Variants in IFT88 observed in about 807,000 individuals in gnomAD.
IFT88 encodes intraflagellar transport protein 88 homolog.
A neutral mutation model predicts 119.5 loss-of-function variants in IFT88; 74 were observed. The ratio of observed to expected loss-of-function variants is 0.62; its 90% confidence interval spans 0.51 to 0.75. IFT88 has a LOEUF of 0.75. Ranked by LOEUF, IFT88 falls within the 30% of genes least tolerant of loss-of-function variation. IFT88 has a pLI of 0.00. For missense variants in IFT88, 961 were observed against 977.7 expected (o/e 0.98, Z 0.23); for synonymous variants, 279 against 316.7 (o/e 0.88, Z 1.26).
chr13:20,639,776 T>C (rs1157663243), intron 17 of IFT88, among the ~76,000 whole-genome samples: 1 of 149,824 alleles, frequency 6.7e-6, no homozygotes, highest in Non-Finnish European at 1.5e-5. Flanking sequence ...ATTGATATAG[T>C]AAAATTTGTC....
chr13:20,623,585 C>T (rs997709982), intron 14 of IFT88, among the ~76,000 whole-genome samples: 4 of 152,174 alleles, frequency 2.6e-5, no homozygotes, highest in African/African-American at 9.7e-5. Context: ...CGCCATTCTC[C>T]TGCCTCAGCC....
chr13:20,583,109 A>G (rs1168186498), intron 3 of IFT88, 90 bp downstream of exon 3: 8 of 681,726 alleles, frequency 1.2e-5, no homozygotes, highest in Middle Eastern at 2.5e-4. Flanking sequence ...ATATTCCTGT[A>G]GTGTTAAAGA....
In IFT88 at chr13:20,691,097, A is replaced by C. The variant is rs762244847; in HGVS notation, c.2397A>C (p.Pro799=). 41 of 1,613,774 alleles carry C rather than the reference A, an allele frequency of 2.5e-5. No individual in the cohort carries two copies. Among genetic ancestry groups the C allele is most frequent in the Non-Finnish European group, 3.4e-5 (40 of 1,179,838 alleles). ...VDPLGPQIER[P]KTAAKKRIDE... is the part of the protein sequence containing the mutation. ...CACTTGGCCCTCAAATAGAACGACC[A>C]AAAACTGCAGCCAAGAAAAGGATCG... is the stretch of plus-strand genomic sequence containing the variant. The change falls in exon 26 of 26, where the codon CCA becomes CCC. Residue 799 remains proline, a synonymous_variant. Coordinates refer to ENST00000351808, the MANE Select transcript of IFT88 (RefSeq NM_006531.5).
Position 20,598,653 on chromosome 13 carries a change from T to C in IFT88, c.597T>C (p.Val199=), listed in dbSNP as rs745595371. Residue 199 remains valine (V), a splice_region_variant and synonymous_variant, in exon 10 of 26, where the codon GTT becomes GTC. Transcript: ENST00000351808. ...ENINLDLTYS[V]LFNLASQYSV... ...TTCTATAATATTTTCTTCCTTAGGT[T>C]CTTTTCAATTTGGCCAGTCAGTATT... 1 of 1,598,920 alleles carries C rather than the reference T, an allele frequency of 6.3e-7. No homozygotes were observed.
intron 20 of IFT88, among the ~76,000 whole-genome samples, chr13:20,653,615 A>G (rs2052187677): frequency 6.6e-6 from 1 of 152,214 alleles, no homozygotes; most frequent in Non-Finnish European, 1.5e-5. Flanking sequence ...GGTTTTAACC[A>G]AACAGGTTAA....
At chr13:20,615,972 AT>A in intron 14 of IFT88, 93 bp downstream of exon 14, 1 of 605,440 alleles carries the variant, frequency 1.7e-6, no homozygotes, top group Non-Finnish European at 2.7e-6. Flanking sequence ...AGAAAAGTGG[AT>A]ATGAATGTTG....
chr13:20,675,790 A>G (rs1223381503), intron 24 of IFT88, among the ~76,000 whole-genome samples: 1 of 152,046 alleles, frequency 6.6e-6, no homozygotes, highest in African/African-American at 2.4e-5. Flanking sequence ...GTCACAAAAT[A>G]TTATTATTGT....
At chr13:20,674,702 T>TTATATA (rs1177876016) in intron 24 of IFT88, among the ~76,000 whole-genome samples, 17 of 90,628 alleles carry the variant, frequency 1.9e-4, no homozygotes, top group East Asian at 8.7e-4. Flanking sequence ...AACTGAAGTT[T>TTATATA]TATATATATA....
In IFT88 at chr13:20,641,409, T is replaced by C. The variant is rs1342779172; in HGVS notation, c.1682+11T>C. On this transcript the variant is annotated intron_variant, in intron 18 of 25. Coordinates refer to ENST00000351808, the MANE Select transcript of IFT88 (RefSeq NM_006531.5). ...CCAGATAGCAAATATGTATCTTATT[T>C]GAAAACCTTAGGGACAGTTATTAAT... The C allele has an allele frequency of 5.9e-6, 9 of 1,532,434 alleles. No homozygotes were observed. The highest frequency in any genetic ancestry group is 8.1e-6 in the Non-Finnish European group (9 of 1,109,188). 94.9% of individuals were successfully genotyped at this position (1,532,434 alleles called of 1,614,324 possible). A position where few individuals can be genotyped will look rare whatever the true frequency, so the allele number is the denominator to read the frequency against.
chr13:20,603,516 G>C (rs1348109248), intron 12 of IFT88, among the ~76,000 whole-genome samples: 1 of 152,108 alleles, frequency 6.6e-6, no homozygotes, highest in Non-Finnish European at 1.5e-5. Context: ...TATGTAATGG[G>C]ATTAACTATT....
At chr13:20,597,921 G>T (rs931575664) in intron 9 of IFT88, among the ~76,000 whole-genome samples, 1 of 151,866 alleles carries the variant, frequency 6.6e-6, no homozygotes, top group African/African-American at 2.4e-5. Context: ...AGAACTTTAG[G>T]CATATAAAAT....
intron 24 of IFT88, among the ~76,000 whole-genome samples, chr13:20,672,808 C>T (rs1432226543): frequency 6.6e-6 from 1 of 152,014 alleles, no homozygotes; most frequent in African/African-American, 2.4e-5. Context: ...AGTTCTATAC[C>T]CAAGAAGTTT....
At chr13:20,605,173 A>C (rs1254837245) in intron 13 of IFT88, 68 bp downstream of exon 13, 1 of 613,666 alleles carries the variant, frequency 1.6e-6, no homozygotes, top group Non-Finnish European at 2.8e-6. Flanking sequence ...TTTAGTATTA[A>C]GATACTTAAT....
At chr13:20,685,241 C>G (rs893036299) in intron 24 of IFT88, among the ~76,000 whole-genome samples, 1 of 152,140 alleles carries the variant, frequency 6.6e-6, no homozygotes, top group Non-Finnish European at 1.5e-5. Context: ...AGCAGTTTTC[C>G]GCTCCCGGGG....
At chr13:20,569,630 A>G (rs577657413) in intron 1 of IFT88, among the ~76,000 whole-genome samples, 1 of 152,118 alleles carries the variant, frequency 6.6e-6, no homozygotes, top group Non-Finnish European at 1.5e-5. Context: ...CAAAGAATGT[A>G]AAATGATGTA....
At chr13:20,592,523 G>A (rs1376772355) in intron 7 of IFT88, 119 bp downstream of exon 7, 2 of 659,630 alleles carry the variant, frequency 3.0e-6, no homozygotes, top group Admixed American at 3.1e-5. Context: ...AGGCTGGAGT[G>A]CAGTGATGCG....
In IFT88 at chr13:20,649,209, T is replaced by C. The variant is rs76983683; in HGVS notation, c.1949+4251T>C. 8.7e-3 allele frequency among the ~76,000 whole-genome samples: 1,320 copies of C among 152,272 alleles called. 18 individuals carry two copies. The highest frequency in any genetic ancestry group is 0.03 in the African/African-American group (1,227 of 41,554). ...AGACACTGAACCCAACAACAGGAGA[T>C]TGTACATTCTTAAGTGTACATGGAA... On this transcript the variant is annotated intron_variant, in intron 20 of 25. Transcript: ENST00000351808.
chr13:20,567,652 C>G, intron 1 of IFT88: 1 of 867,718 alleles, frequency 1.2e-6, no homozygotes, highest in Non-Finnish European at 1.4e-6. Context: ...GCACATCGCT[C>G]TTTAATTTTC....
intron 7 of IFT88, among the ~76,000 whole-genome samples, chr13:20,592,825 A>G (rs991449245): frequency 2.6e-5 from 4 of 152,216 alleles, no homozygotes; most frequent in Admixed American, 6.5e-5. Context: ...TGTGAATTCC[A>G]TAAGAATTAC....
Sources: allele counts gnomAD v4.1 joint callset (sites outside exome capture counted in the v4.1 genomes callset), GRCh38; gene constraint gnomAD v4.1.1; transcripts MANE v1.5; gene names NCBI Gene and HGNC (gene_info 2026-07-23, HGNC 2026-07-21).